FBN1: variants seen among roughly 807,000 people sequenced by gnomAD.
FBN1 encodes the protein fibrillin 1, also known as fibrillin-1.
In FBN1, 29 loss-of-function variants were observed where a neutral mutation model predicts 365.1. The observed-to-expected ratio is 0.08, with a 90% CI of 0.06 to 0.11. The LOEUF is 0.11. FBN1 is among the 10% of genes least tolerant of loss of function. The pLI, the probability that FBN1 is intolerant of heterozygous loss-of-function variation, is 1.00. For missense variants in FBN1, 2,476 were observed against 3,703.2 expected (o/e 0.67, Z 8.60); for synonymous variants, 1,210 against 1,270.5 (o/e 0.95, Z 1.01).
intron 6 of FBN1, among the ~76,000 whole-genome samples, chr15:48,555,651 T>C (rs2044174082): frequency 6.6e-6 from 1 of 152,178 alleles, no homozygotes; most frequent in South Asian, 2.1e-4. Flanking sequence ...GGAGAGAGTC[T>C]TGTTTATCTC....
chr15:48,477,386 T>C (rs1335360611), intron 32 of FBN1, among the ~76,000 whole-genome samples: 1 of 152,216 alleles, frequency 6.6e-6, no homozygotes, highest in East Asian at 1.9e-4. Flanking sequence ...GGAGCCAATA[T>C]TCAATTCTCC....
intron 4 of FBN1, among the ~76,000 whole-genome samples, chr15:48,602,774 A>C (rs978251987): frequency 6.6e-6 from 1 of 152,218 alleles, no homozygotes; most frequent in Non-Finnish European, 1.5e-5. Context: ...TACAAAGAAA[A>C]AAAATGATTT....
chr15:48,517,149 T>C (rs1379878332), intron 10 of FBN1, among the ~76,000 whole-genome samples: 1 of 152,142 alleles, frequency 6.6e-6, no homozygotes, highest in East Asian at 1.9e-4. Flanking sequence ...AAGTTCCATT[T>C]TGAACATAGG....
intron 31 of FBN1, among the ~76,000 whole-genome samples, chr15:48,483,283 AAT>A (rs2043480269): frequency 6.6e-6 from 1 of 152,224 alleles, no homozygotes; most frequent in African/African-American, 2.4e-5. Context: ...AGAGACACAG[AAT>A]ATATGAAAAA....
At chr15:48,488,000 A>G (rs910869590) in intron 27 of FBN1, 113 bp downstream of exon 27, 6 of 1,378,328 alleles carry the variant, frequency 4.4e-6, no homozygotes, top group Non-Finnish European at 6.2e-6. Context: ...ACTGATTCCT[A>G]ACTTCACTGG....
intron 44 of FBN1, among the ~76,000 whole-genome samples, chr15:48,453,293 AC>A (rs34111781): frequency 0.62 from 75,516 of 121,130 alleles, 22,697 homozygotes; most frequent in Middle Eastern, 0.69. Flanking sequence ...AATAAAACAA[AC>A]AAAAAAAAAA....
intron 2 of FBN1, among the ~76,000 whole-genome samples, chr15:48,629,272 G>C (rs573638793): frequency 6.6e-6 from 1 of 152,260 alleles, no homozygotes; most frequent in African/African-American, 2.4e-5. Flanking sequence ...CCAGTAACAG[G>C]AGTTTGTGGA....
chr15:48,583,463 C>A (rs1268971066), intron 6 of FBN1, among the ~76,000 whole-genome samples: 1 of 152,116 alleles, frequency 6.6e-6, no homozygotes, highest in South Asian at 2.1e-4. Context: ...CTGACCAGGC[C>A]GTATTTGTAG....
chr15:48,596,930 A>G (rs920122082), intron 5 of FBN1, among the ~76,000 whole-genome samples: 3 of 152,274 alleles, frequency 2.0e-5, no homozygotes, highest in African/African-American at 7.2e-5. Context: ...GAGATGCTTC[A>G]GGGCAGGATA....
intron 49 of FBN1, among the ~76,000 whole-genome samples, chr15:48,442,188 T>C (rs1330835798): frequency 6.6e-6 from 1 of 152,106 alleles, no homozygotes; most frequent in East Asian, 1.9e-4. Context: ...AATTCTAGAG[T>C]CACACTGCAC....
chr15:48,497,145 C>T (rs1390484242), intron 19 of FBN1, 121 bp downstream of exon 19: 10 of 1,128,244 alleles, frequency 8.9e-6, no homozygotes, highest in African/African-American at 3.0e-5. Flanking sequence ...TGCTAACATC[C>T]GAAGTATAAA....
At chr15:48,465,754 G>T (rs375954990) in intron 39 of FBN1, 36 bp downstream of exon 39, 2 of 1,612,358 alleles carry the variant, frequency 1.2e-6, no homozygotes, top group Non-Finnish European at 8.5e-7. Context: ...GGAAATTCAA[G>T]TTGTGTGTGC....
chr15:48,476,610 C>CTTTTTTTTTTTTTTTTT (rs56969171), intron 32 of FBN1: 4 of 120,008 alleles, frequency 3.3e-5, no homozygotes, highest in East Asian at 2.4e-4. Context: ...CTTTTCTTTT[C>CTTTTTTTTTTTTTTTTT]TTTTTTTTTT....
chr15:48,616,835 C>T (rs1273670879), intron 2 of FBN1, among the ~76,000 whole-genome samples: 1 of 151,972 alleles, frequency 6.6e-6, no homozygotes, highest in African/African-American at 2.4e-5. Context: ...TTGCTAAGTG[C>T]TAAAGATATA....
intron 6 of FBN1, among the ~76,000 whole-genome samples, chr15:48,592,000 G>A (rs1436674528): frequency 1.3e-5 from 2 of 152,118 alleles, no homozygotes; most frequent in African/African-American, 4.8e-5. Flanking sequence ...CTTATTACAG[G>A]ACTTTTCTCA....
In FBN1 at chr15:48,421,530, C is replaced by T. The variant is rs1369559369; in HGVS notation, c.7699+28G>A. 78 of 1,608,644 alleles carry T rather than the reference C, an allele frequency of 4.8e-5. No homozygotes were observed. In the East Asian group the frequency reaches 1.7e-3, roughly 36 times the overall value. ...GGCCACCTCCACAAGGATTCACCAG[C>T]TGGATCGCAGCTGAAGTCTCCACCC... is the stretch of plus-strand genomic sequence containing the variant. On this transcript the variant is annotated intron_variant, in intron 62 of 65. Transcript: ENST00000316623.
At chr15:48,535,508 T>C (rs2044006347) in intron 7 of FBN1, among the ~76,000 whole-genome samples, 1 of 152,222 alleles carries the variant, frequency 6.6e-6, no homozygotes, top group Admixed American at 6.5e-5. Flanking sequence ...TCCATCTCTT[T>C]GTTCATAACA....
intron 6 of FBN1, among the ~76,000 whole-genome samples, chr15:48,557,713 T>C (rs1251222245): frequency 1.3e-5 from 2 of 152,164 alleles, no homozygotes; most frequent in Admixed American, 1.3e-4. Context: ...AAGGAAAGGA[T>C]GACTGGGTGT....
At chr15:48,424,436 C>T (rs1000695431) in intron 60 of FBN1, among the ~76,000 whole-genome samples, 9 of 152,196 alleles carry the variant, frequency 5.9e-5, no homozygotes, top group Non-Finnish European at 1.3e-4. Context: ...CTGGTCCCAC[C>T]CTCCACCCTT....
Sources: gnomAD v4.1 joint callset for allele counts (sites outside exome capture counted in the v4.1 genomes callset) on GRCh38, gnomAD v4.1.1 for gene constraint, MANE v1.5 for transcripts, NCBI Gene and HGNC (gene_info 2026-07-23, HGNC 2026-07-21) for gene names.